GYG2: variants seen among roughly 807,000 people sequenced by gnomAD.
GYG2 encodes the protein glycogenin-2.
In GYG2, 29 loss-of-function variants were observed where a neutral mutation model predicts 29.4. The observed-to-expected ratio is 0.99, with a 90% CI of 0.74 to 1.35. The LOEUF (loss-of-function observed/expected upper bound fraction) is 1.35, where lower values mean the gene tolerates loss of function less well. Among genes scored for constraint, GYG2 ranks in the 40% most tolerant of loss-of-function variants. The probability of loss-of-function intolerance (pLI) is 0.00; values close to 1 mark genes in which losing one functional copy is unlikely to be tolerated. For missense variants in GYG2, 370 were observed against 385.7 expected (o/e 0.96, Z 0.34); for synonymous variants, 167 against 172.3 (o/e 0.97, Z 0.24).
chrX:2,833,302 C>A (rs1202230286), intron 2 of GYG2, among the ~76,000 whole-genome samples: 1 of 110,871 alleles, frequency 9.0e-6, no homozygotes. Context: ...TTAGGGCCCA[C>A]CCTAGTGACC....
At chrX:2,867,989 G>T (rs1054901224) in intron 8 of GYG2, among the ~76,000 whole-genome samples, 1 of 109,868 alleles carries the variant, frequency 9.1e-6, no homozygotes, top group Non-Finnish European at 1.9e-5. Flanking sequence ...CCAGCTACTC[G>T]GGAGGCCGAA....
At chrX:2,861,814 G>A (rs1016814702) in intron 8 of GYG2, 92 bp downstream of exon 8, 17 of 684,206 alleles carry the variant, frequency 2.5e-5, no homozygotes, top group Non-Finnish European at 3.8e-5. Flanking sequence ...TCCCTGGGGA[G>A]GGGAGATGGA....
chrX:2,870,477 A>G (rs1462185430), intron 8 of GYG2, among the ~76,000 whole-genome samples: 3 of 111,663 alleles, frequency 2.7e-5, no homozygotes, highest in Non-Finnish European at 1.9e-5. Flanking sequence ...TGCTGGCATT[A>G]CAGGCATGAG....
intron 3 of GYG2, 57 bp from the exon 4 acceptor site, chrX:2,853,923 T>A: frequency 1.2e-6 from 1 of 837,494 alleles, no homozygotes; most frequent in Non-Finnish European, 1.8e-6. Context: ...AAGGAGGAGG[T>A]GGTTCTGTGC....
At chrX:2,849,484 G>T (rs989966333) in intron 3 of GYG2, among the ~76,000 whole-genome samples, 1 of 112,148 alleles carries the variant, frequency 8.9e-6, no homozygotes, top group Non-Finnish European at 1.9e-5. Flanking sequence ...TTATATTTCA[G>T]CTCTGAGACA....
rs1408723490 is a variant in GYG2, at chrX:2,881,157, A to G, written c.1357A>G (p.Met453Val). The G allele has an allele frequency of 8.3e-7, 1 of 1,205,923 alleles. No individual in the cohort carries two copies. The highest frequency in any genetic ancestry group is 1.8e-5 in the South Asian group (1 of 55,749). ...GTGGGAGGAAGGCCGTATCGACTAC[A>G]TGGGGAAGGACGCGTTTGCTCGCAT... is the stretch of plus-strand genomic sequence containing the variant. ...RKWEEGRIDYMGKDAFARIQE... is the reference protein window; with the variant it reads ...RKWEEGRIDYVGKDAFARIQE... Residue 453 changes from methionine to valine, a missense_variant, in exon 11 of 11, where the codon ATG (methionine) becomes GTG (valine). Coordinates refer to ENST00000398806, the MANE Select transcript of GYG2 (RefSeq NM_001079855.2).
intron 3 of GYG2, among the ~76,000 whole-genome samples, chrX:2,851,501 C>A (rs750748062): frequency 8.9e-6 from 1 of 112,060 alleles, no homozygotes; most frequent in Non-Finnish European, 1.9e-5. Context: ...GCCTAGGCCT[C>A]CCAAGGTGCT....
In GYG2 at chrX:2,881,250, T is replaced by TGTCCTGTTGGGTG. The variant is rs750993574; in HGVS notation, c.*47_*59dup. 1.6e-5 allele frequency: 18 copies of TGTCCTGTTGGGTG among 1,104,506 alleles called. No homozygotes were observed. In the South Asian group the frequency reaches 3.9e-4, roughly 24 times the overall value. 91.0% of individuals were successfully genotyped at this position (1,104,506 alleles called of 1,213,427 possible). A position where few individuals can be genotyped will look rare whatever the true frequency, so the allele number is the denominator to read the frequency against. On this transcript the variant is annotated 3_prime_UTR_variant, in exon 11 of 11. Coordinates refer to ENST00000398806, the MANE Select transcript of GYG2 (RefSeq NM_001079855.2). ...GTGGGCGTTGTGTGTAGTTAGACAA[T>TGTCCTGTTGGGTG]GTCCTGTTGGGTGGTCCTGTTGCGT...
intron 8 of GYG2, among the ~76,000 whole-genome samples, chrX:2,868,456 C>CAA (rs148463105): frequency 2.2e-4 from 7 of 32,368 alleles, no homozygotes; most frequent in African/African-American, 2.7e-4. Context: ...GACTCCGTCT[C>CAA]AAAAAAAAAA....
chrX:2,858,322 C>T lies in GYG2; in HGVS notation c.615-1521C>T, dbSNP rs76730129. ...CGAAAAAATAAAACAAAACATTAGC[C>T]GAATGTGGTGTCGCACACCGCTAGT... On this transcript the variant is annotated intron_variant, in intron 6 of 10. Coordinates refer to ENST00000398806, the MANE Select transcript of GYG2 (RefSeq NM_001079855.2). Among the ~76,000 whole-genome samples the T allele has an allele frequency of 5.4e-3, 598 of 110,502 alleles. 19 individuals are homozygous for T. The East Asian group carries it at 0.14, about 27-fold the overall frequency.
intron 3 of GYG2, among the ~76,000 whole-genome samples, chrX:2,850,733 C>T (rs1418068919): frequency 2.7e-5 from 3 of 110,932 alleles, no homozygotes; most frequent in Admixed American, 9.7e-5. Flanking sequence ...GAGCACCTTT[C>T]GACCCCCACT....
At chrX:2,877,871 A>G (rs1381099140) in intron 10 of GYG2, 8 of 750,845 alleles carry the variant, frequency 1.1e-5, no homozygotes, top group Non-Finnish European at 1.3e-5. Context: ...GTCTTTAAGT[A>G]ACAATCAATA....
chrX:2,850,701 C>T (rs1382498956), intron 3 of GYG2, among the ~76,000 whole-genome samples: 3 of 111,369 alleles, frequency 2.7e-5, no homozygotes, highest in African/African-American at 9.8e-5. Context: ...CTGGCTCATC[C>T]TGGCTCAAAA....
chrX:2,861,222 G>A (rs2088156239), intron 7 of GYG2, among the ~76,000 whole-genome samples: 1 of 111,487 alleles, frequency 9.0e-6, no homozygotes, highest in African/African-American at 3.3e-5. Flanking sequence ...ACGTTTATTT[G>A]TATTCACTTC....
chrX:2,879,569 A>G (rs532236291), intron 10 of GYG2, among the ~76,000 whole-genome samples: 2 of 112,529 alleles, frequency 1.8e-5, no homozygotes, highest in Admixed American at 9.4e-5. Flanking sequence ...CCGGCTATCT[A>G]TCTATTTTCT....
chrX:2,842,458 A>T (rs5982882), intron 2 of GYG2, among the ~76,000 whole-genome samples: 24 of 108,569 alleles, frequency 2.2e-4, no homozygotes, highest in Non-Finnish European at 3.2e-4. Flanking sequence ...CGACCCTAGC[A>T]CTGGGATTAC....
Position 2,844,793 on chromosome X carries a change from T to C in GYG2, c.149+1439T>C, listed in dbSNP as rs1236637958. On this transcript the variant is annotated intron_variant, in intron 3 of 10. Transcript: ENST00000398806. ...ATATGTACACGTATGCATATATATA[T>C]ACATGTATGTGTATATATTTATATA... Among the ~76,000 whole-genome samples the C allele has an allele frequency of 2.1e-4, 19 of 90,296 alleles. 4 individuals are homozygous for C. Among genetic ancestry groups the C allele is most frequent in the Admixed American group, 2.3e-4 (2 of 8,629 alleles). 78.4% of individuals were successfully genotyped at this position (90,296 alleles called of 115,157 possible).
rs574865126 is a variant in GYG2, at chrX:2,875,150, G to C, written c.1039-660G>C. ...ATCACAGCCAGCTGGGGTGGCCAAG[G>C]TATCCTCTACCCCATGCAGCCTTTC... On this transcript the variant is annotated intron_variant, in intron 8 of 10. Transcript: ENST00000398806. Among the ~76,000 whole-genome samples the C allele has an allele frequency of 2.2e-4, 25 of 112,019 alleles. No homozygotes were observed. The South Asian group carries it at 9.4e-3, about 42-fold the overall frequency.
At chrX:2,845,047 G>GTATATATACACATGTGTATGTA (rs1555897011) in intron 3 of GYG2, among the ~76,000 whole-genome samples, 2 of 48,788 alleles carry the variant, frequency 4.1e-5, no homozygotes, top group African/African-American at 1.4e-4. Context: ...ACATGTGTAT[G>GTATATATACACATGTGTATGTA]TATATATACA....
Sources: gnomAD v4.1 joint callset for allele counts (sites outside exome capture counted in the v4.1 genomes callset) on GRCh38, gnomAD v4.1.1 for gene constraint, MANE v1.5 for transcripts, NCBI Gene and HGNC (gene_info 2026-07-23, HGNC 2026-07-21) for gene names.